Variants in FAM13B observed in about 807,000 individuals in gnomAD.
FAM13B encodes family with sequence similarity 13 member B, also known as protein FAM13B.
Under a neutral mutation model 117.3 loss-of-function variants are expected in FAM13B, and 60 were observed. The ratio of observed to expected loss-of-function variants is 0.51; its 90% confidence interval spans 0.42 to 0.63. The LOEUF (loss-of-function observed/expected upper bound fraction) is 0.63. Among genes scored for constraint, FAM13B ranks in the 30% least tolerant of loss-of-function variants. FAM13B has a pLI of 0.00. For synonymous variants in FAM13B, 332 were observed against 356.1 expected (o/e 0.93, Z 0.76); for missense variants, 972 against 1,091.9 (o/e 0.89, Z 1.55).
intron 18 of FAM13B, among the ~76,000 whole-genome samples, chr5:137,948,489 C>T (rs914008499): frequency 2.6e-5 from 4 of 152,106 alleles, no homozygotes; most frequent in Non-Finnish European, 4.4e-5. Flanking sequence ...ATCTCCCGGG[C>T]TCCATTGATC....
chr5:138,029,332 T>A (rs1789304296), intron 1 of FAM13B, among the ~76,000 whole-genome samples: 1 of 152,006 alleles, frequency 6.6e-6, no homozygotes, highest in African/African-American at 2.4e-5. Flanking sequence ...AAAATTTTGT[T>A]TAAAATGTCA....
At chr5:137,990,871 T>C (rs932606542) in intron 7 of FAM13B, among the ~76,000 whole-genome samples, 1 of 152,190 alleles carries the variant, frequency 6.6e-6, no homozygotes, top group African/African-American at 2.4e-5. Context: ...ACAAAGGCTA[T>C]GAAACTGGCA....
At chr5:137,940,757 A>C (rs1389957995) in intron 23 of FAM13B, among the ~76,000 whole-genome samples, 2 of 152,214 alleles carry the variant, frequency 1.3e-5, no homozygotes, top group Non-Finnish European at 2.9e-5. Context: ...ATCTGCAACA[A>C]GAGTAATTTT....
In FAM13B at chr5:138,007,040, T is replaced by C. The variant is rs1302883892; in HGVS notation, c.798A>G (p.Gln266=). ...CCAGGATGTTTTCAGTCATCCTTAA[T>C]TGTACCACCTCTGGCATGTCATTTG... ...EKSNDMPEVV[Q]LRMTENILES... The change falls in exon 7 of 24, where the codon CAA becomes CAG. Residue 266 remains glutamine, a synonymous_variant. Transcript: ENST00000689681. The C allele has an allele frequency of 6.2e-7, 1 of 1,613,378 alleles. No individual in the cohort carries two copies. Among genetic ancestry groups the C allele is most frequent in the Non-Finnish European group, 8.5e-7 (1 of 1,179,818 alleles).
In FAM13B at chr5:137,952,728, G is replaced by C. The variant is rs762816528; in HGVS notation, c.1849-19C>G. 12 of 1,462,052 alleles carry C rather than the reference G, an allele frequency of 8.2e-6. No homozygotes were observed. The South Asian group carries it at 1.5e-4, about 18-fold the overall frequency. The allele number at this position is 1,462,052 out of a possible 1,614,324, so 90.6% of individuals were successfully genotyped here. On this transcript the variant is annotated intron_variant, in intron 16 of 23. Coordinates refer to ENST00000689681, the MANE Select transcript of FAM13B (RefSeq NM_001385994.1). ...AGGAGGGCTGAAAAATTATGGAGCAGAATCACTGACACTTGTGATAAGCAA... is the reference window on the plus strand; with the variant it reads ...AGGAGGGCTGAAAAATTATGGAGCACAATCACTGACACTTGTGATAAGCAA...
At chr5:137,989,419 A>AT (rs887576880) in intron 7 of FAM13B, among the ~76,000 whole-genome samples, 35 of 152,284 alleles carry the variant, frequency 2.3e-4, no homozygotes, top group Middle Eastern at 6.8e-3. Context: ...ATATAAAAAT[A>AT]TTTTTTGTTA....
At chr5:137,967,021 A>G (rs929462622) in intron 10 of FAM13B, among the ~76,000 whole-genome samples, 7 of 152,174 alleles carry the variant, frequency 4.6e-5, no homozygotes, top group African/African-American at 1.7e-4. Context: ...ATGAAACCAT[A>G]GAAGTATTTT....
chr5:137,962,785 G>A (rs1012085491), intron 10 of FAM13B, among the ~76,000 whole-genome samples: 3 of 151,950 alleles, frequency 2.0e-5, no homozygotes, highest in African/African-American at 4.8e-5. Flanking sequence ...GCCAACTGCT[G>A]CTTGCTTTAT....
chr5:137,946,342 C>CAAAAAAAAAAAAAAAAAAAACAA, intron 18 of FAM13B, 31 bp from the exon 19 acceptor site: 1 of 919,182 alleles, frequency 1.1e-6, no homozygotes, highest in Non-Finnish European at 1.5e-6. Flanking sequence ...TAACAAAATA[C>CAAAAAAAAAAAAAAAAAAAACAA]AAAAAAAAAA....
At chr5:138,036,940 G>A (rs1791224230), upstream of FAM13B, 1 of 303,026 alleles carries the variant, frequency 3.3e-6, no homozygotes, top group East Asian at 9.1e-5. Context: ...CTATTGGCTG[G>A]TGGGAGAAGG....
chr5:138,028,720 T>A (rs1183180708), intron 1 of FAM13B, among the ~76,000 whole-genome samples: 1 of 152,102 alleles, frequency 6.6e-6, no homozygotes, highest in African/African-American at 2.4e-5. Context: ...CCATTTCTAC[T>A]AAAAATACAA....
intron 10 of FAM13B, among the ~76,000 whole-genome samples, chr5:137,968,286 C>T (rs917151364): frequency 7.9e-5 from 10 of 126,888 alleles, no homozygotes; most frequent in African/African-American, 1.2e-4. Context: ...AAAAAAAGTA[C>T]AAAAATTAGC....
intron 10 of FAM13B, among the ~76,000 whole-genome samples, chr5:137,964,828 C>T (rs1423199740): frequency 3.3e-5 from 5 of 152,084 alleles, no homozygotes; most frequent in Non-Finnish European, 1.5e-5. Flanking sequence ...ACTTGACTAC[C>T]TCAGAGTTAC....
chr5:137,967,269 T>G (rs909485266), intron 10 of FAM13B, among the ~76,000 whole-genome samples: 2 of 152,206 alleles, frequency 1.3e-5, no homozygotes, highest in Non-Finnish European at 2.9e-5. Flanking sequence ...CTTATGCCTG[T>G]AATCCCAGCC....
rs112827898 is a variant in FAM13B, at chr5:138,006,195, C to A, written c.848+795G>T. Reference sequence around the variant, plus strand: ...TACAGGCGTCAGCCACCGCGCCCGGCCTATTTCCTCTTCTTTTTAACCACC... The same window carrying A: ...TACAGGCGTCAGCCACCGCGCCCGGACTATTTCCTCTTCTTTTTAACCACC... On this transcript the variant is annotated intron_variant, in intron 7 of 23. Transcript: ENST00000689681. Among the ~76,000 whole-genome samples, 17 of 152,260 alleles carry A rather than the reference C, an allele frequency of 1.1e-4. 1 individual carries two copies. The highest frequency in any genetic ancestry group is 3.6e-4 in the African/African-American group (15 of 41,550).
intron 1 of FAM13B, among the ~76,000 whole-genome samples, chr5:138,022,571 G>T (rs1787045751): frequency 6.6e-6 from 1 of 152,148 alleles, no homozygotes. Flanking sequence ...AAAACATCCT[G>T]AAATGCCTGC....
chr5:137,988,284 C>T lies in FAM13B; in HGVS notation c.880G>A (p.Ala294Thr). ...AAATATACTACTTACTCTGTAGAGG[C>T]TGGTAGGATGCTGATGGGAGATATA... ...THISPISILP[A>T]STDILERTIR... Residue 294 changes from alanine (A) to threonine (T), a missense_variant, in exon 8 of 24, where the codon GCC becomes ACC. Coordinates refer to ENST00000689681, the MANE Select transcript of FAM13B (RefSeq NM_001385994.1). 6.4e-7 allele frequency: 1 copy of T among 1,554,174 alleles called. No homozygotes were observed. Among genetic ancestry groups the T allele is most frequent in the African/African-American group, 1.4e-5 (1 of 70,160 alleles).
intron 6 of FAM13B, among the ~76,000 whole-genome samples, 166 bp from the exon 7 acceptor site, chr5:138,007,313 C>T (rs1031918407): frequency 3.9e-5 from 6 of 152,094 alleles, no homozygotes; most frequent in African/African-American, 1.4e-4. Flanking sequence ...TTTTTCATAT[C>T]AAAATAAAAT....
At chr5:138,036,245 A>G (rs574400432), upstream of FAM13B, 4 of 361,474 alleles carry the variant, frequency 1.1e-5, no homozygotes, top group African/African-American at 4.3e-5. Context: ...CTGCTTCCCA[A>G]TAGATGGAAG....
Sources: allele counts gnomAD v4.1 joint callset (sites outside exome capture counted in the v4.1 genomes callset), GRCh38; gene constraint gnomAD v4.1.1; transcripts MANE v1.5; gene names NCBI Gene and HGNC (gene_info 2026-07-23, HGNC 2026-07-21).